Variants in BAZ1B observed in about 807,000 individuals in gnomAD.
BAZ1B encodes the protein tyrosine-protein kinase BAZ1B.
Under a neutral mutation model 153.8 loss-of-function variants are expected in BAZ1B, and 22 were observed. That is an observed-to-expected ratio of 0.14 (90% CI 0.10 to 0.20). The LOEUF is 0.20. BAZ1B is among the 10% of genes least tolerant of loss of function. The pLI is 1.00. For synonymous variants in BAZ1B, 676 were observed against 633.4 expected, an observed-to-expected ratio of 1.07 and a Z score of -1.01; for missense variants, 1,325 against 1,799.3, an observed-to-expected ratio of 0.74 and a Z score of 4.77.
chr7:73,461,388 T>C (rs1249209668), intron 12 of BAZ1B, among the ~76,000 whole-genome samples: 1 of 152,202 alleles, frequency 6.6e-6, no homozygotes, highest in African/African-American at 2.4e-5. Flanking sequence ...AATTAGAAGA[T>C]AACGTTTTAA....
At chr7:73,465,371 A>C (rs1788542538) in intron 11 of BAZ1B, 68 bp downstream of exon 11, 3 of 1,076,916 alleles carry the variant, frequency 2.8e-6, no homozygotes, top group African/African-American at 1.6e-5. Flanking sequence ...AAGAAAAAAA[A>C]CCCTCAGATA....
chr7:73,508,211 A>G (rs2116447769), intron 3 of BAZ1B, 116 bp downstream of exon 3: 1 of 1,151,940 alleles, frequency 8.7e-7, no homozygotes, highest in Non-Finnish European at 1.2e-6. Flanking sequence ...AATACTTAAC[A>G]TTAAATATAA....
chr7:73,487,068 C>G (rs950466354), intron 6 of BAZ1B, among the ~76,000 whole-genome samples: 3 of 152,156 alleles, frequency 2.0e-5, no homozygotes, highest in Non-Finnish European at 4.4e-5. Context: ...TTACATGAGT[C>G]TTAAGTTTTC....
At chr7:73,520,268 T>C (rs1270923759) in intron 1 of BAZ1B, among the ~76,000 whole-genome samples, 2 of 150,518 alleles carry the variant, frequency 1.3e-5, no homozygotes. Flanking sequence ...TTGGTAGAGC[T>C]AGTGGAACTT....
At position 73,450,746 on chromosome 7, in the gene BAZ1B, A is replaced by G. The variant is rs1788003122; in HGVS notation, c.3580+101T>C. 10 of 1,385,118 alleles carry G rather than the reference A, an allele frequency of 7.2e-6. No individual in the cohort carries two copies. In the Admixed American group the frequency reaches 1.8e-4, roughly 25 times the overall value. The allele number at this position is 1,385,118 out of a possible 1,614,324, so 85.8% of individuals were successfully genotyped here. ...AGAGTAAAATCTATACCACACTTAT[A>G]TTCTGTGTACACAAAATTCTTTTGG... On this transcript the variant is annotated intron_variant, in intron 14 of 19. Transcript: ENST00000339594. This position sits in a 1 kb window ranked among gnomAD's most constrained non-coding sequence, Gnocchi z 4.1.
intron 2 of BAZ1B, among the ~76,000 whole-genome samples, chr7:73,510,517 A>G (rs1283461797): frequency 6.6e-6 from 1 of 152,240 alleles, no homozygotes; most frequent in Non-Finnish European, 1.5e-5. Context: ...GGCCTGGTAA[A>G]TACCTAAACA....
intron 3 of BAZ1B, among the ~76,000 whole-genome samples, chr7:73,503,584 A>G (rs1400706020): frequency 2.6e-5 from 4 of 152,152 alleles, no homozygotes; most frequent in Admixed American, 1.3e-4. Flanking sequence ...TATGTTGCCC[A>G]GGCTGGTCTC....
At chr7:73,508,023 G>A (rs1249034279) in intron 3 of BAZ1B, among the ~76,000 whole-genome samples, 1 of 152,068 alleles carries the variant, frequency 6.6e-6, no homozygotes, top group Non-Finnish European at 1.5e-5. Flanking sequence ...GGGCGTGGTG[G>A]TGCACACCTG....
chr7:73,472,252 ACTT>A (rs1190002932), intron 7 of BAZ1B, among the ~76,000 whole-genome samples: 3 of 150,556 alleles, frequency 2.0e-5, no homozygotes, highest in Non-Finnish European at 4.5e-5. Flanking sequence ...ACACAGTTAT[ACTT>A]TTTTTTTTTT....
intron 3 of BAZ1B, among the ~76,000 whole-genome samples, chr7:73,502,970 A>C (rs1790195939): frequency 6.6e-6 from 1 of 152,180 alleles, no homozygotes; most frequent in African/African-American, 2.4e-5. Context: ...TTTTTCTGCT[A>C]TAGAGTATTG....
At chr7:73,488,506 C>CG (rs1331197603) in intron 6 of BAZ1B, among the ~76,000 whole-genome samples, 3 of 151,996 alleles carry the variant, frequency 2.0e-5, no homozygotes, top group Non-Finnish European at 4.4e-5. Context: ...CCGAGGCAGG[C>CG]GGATCACTTG....
Position 73,465,547 on chromosome 7 carries a change from C to CA in BAZ1B, c.2973-11dup. 1 of 1,431,656 alleles carries CA rather than the reference C, an allele frequency of 7.0e-7. No individual in the cohort carries two copies. The highest frequency in any genetic ancestry group is 1.5e-5 in the African/African-American group (1 of 66,802). The allele number at this position is 1,431,656 out of a possible 1,614,324, so 88.7% of individuals were successfully genotyped here. ...ACTATCACATAAAAACCTGTAGGGG[C>CA]AAAAGAGACCTGATAACTCTGAAAA... On this transcript the variant is annotated splice_polypyrimidine_tract_variant and intron_variant, in intron 10 of 19. Coordinates refer to ENST00000339594, the MANE Select transcript of BAZ1B (RefSeq NM_032408.4).
intron 6 of BAZ1B, 66 bp from the exon 7 acceptor site, chr7:73,478,635 C>T (rs1789084527): frequency 7.6e-7 from 1 of 1,313,836 alleles, no homozygotes; most frequent in Non-Finnish European, 1.0e-6. Flanking sequence ...AACATTTAAG[C>T]ATCTTAAAGG....
At position 73,446,475 on chromosome 7, in the gene BAZ1B, G is replaced by A. The variant is rs527784117; in HGVS notation, c.3844+789C>T. The stretch of plus-strand genomic sequence containing the variant: ...TGGTGGGTGTCTGTATACTCGGGAG[G>A]CTGAGGCAGAGACTGAGGTAATCTG... On this transcript the variant is annotated intron_variant, in intron 16 of 19. Coordinates refer to ENST00000339594, the MANE Select transcript of BAZ1B (RefSeq NM_032408.4). Among the ~76,000 whole-genome samples the A allele has an allele frequency of 6.0e-5, 9 of 149,302 alleles. No individual in the cohort carries two copies. In the South Asian group the frequency reaches 1.7e-3, roughly 28 times the overall value.
chr7:73,459,389 TAAAA>T (rs372881709), intron 13 of BAZ1B, 143 bp downstream of exon 13: 8 of 641,002 alleles, frequency 1.2e-5, no homozygotes, highest in African/African-American at 6.0e-5. Flanking sequence ...AGAAAGTGAT[TAAAA>T]AAAAAAAAAA....
intron 7 of BAZ1B, among the ~76,000 whole-genome samples, chr7:73,475,405 G>T (rs1788959047): frequency 6.6e-6 from 1 of 152,206 alleles, no homozygotes; most frequent in African/African-American, 2.4e-5. Flanking sequence ...AGGGAATGAA[G>T]TACTAACACA....
intron 13 of BAZ1B, among the ~76,000 whole-genome samples, chr7:73,455,936 A>C (rs1788182652): frequency 6.6e-6 from 1 of 152,228 alleles, no homozygotes; most frequent in South Asian, 2.1e-4. Context: ...TAAATCCAAC[A>C]AATCTTTGTA....
At chr7:73,475,359 G>T (rs1339292588) in intron 7 of BAZ1B, among the ~76,000 whole-genome samples, 3 of 152,054 alleles carry the variant, frequency 2.0e-5, no homozygotes, top group South Asian at 4.1e-4. Context: ...ACAAAACGTG[G>T]TATATCCAAA....
In BAZ1B at chr7:73,508,330, G is replaced by T. The variant is rs199692720; in HGVS notation, c.366C>A (p.Phe122Leu). The T allele has an allele frequency of 3.1e-6, 5 of 1,612,672 alleles. No individual in the cohort carries two copies. Among genetic ancestry groups the T allele is most frequent in the African/African-American group, 1.3e-5 (1 of 74,778 alleles). Residue 122 changes from phenylalanine (F) to leucine (L), a missense_variant, in exon 3 of 20, where the codon TTC (phenylalanine) becomes TTA (leucine). By Grantham distance (22) the Phe-to-Leu change is conservative (BLOSUM62 0). Coordinates refer to ENST00000339594, the MANE Select transcript of BAZ1B (RefSeq NM_032408.4). ...TKYAVGEECD[F>L]EVGKEKMLKV... ...TCAGAAACGAACAGGCACTCACCTC[G>T]AAGTCACACTCTTCTCCCACAGCAT... is the stretch of plus-strand genomic sequence containing the variant.
Sources: gnomAD v4.1 joint callset for allele counts (sites outside exome capture counted in the v4.1 genomes callset) on GRCh38, gnomAD v4.1.1 for gene constraint, Gnocchi (gnomAD v3.1) non-coding constraint, MANE v1.5 for transcripts, NCBI Gene and HGNC (gene_info 2026-07-23, HGNC 2026-07-21) for gene names.